FABP6: variants seen among roughly 807,000 people sequenced by gnomAD.
FABP6 encodes the protein fatty acid binding protein 6.
In FABP6, 13 loss-of-function variants were observed where a neutral mutation model predicts 14.9. The ratio of observed to expected loss-of-function variants is 0.87; its 90% confidence interval spans 0.57 to 1.39. The LOEUF (loss-of-function observed/expected upper bound fraction) is 1.39, where lower values mean the gene tolerates loss of function less well. FABP6 is among the 40% of genes most tolerant of loss of function. FABP6 has a pLI of 0.00. For missense variants in FABP6, 161 were observed against 167.2 expected (o/e 0.96, Z 0.20); for synonymous variants, 75 against 63.6 (o/e 1.18, Z -0.85).
At chr5:160,236,921 G>A (rs1760529572) in intron 3 of FABP6, among the ~76,000 whole-genome samples, 1 of 151,960 alleles carries the variant, frequency 6.6e-6, no homozygotes, top group Non-Finnish European at 1.5e-5. Context: ...GGCAGAGGTT[G>A]CAGTGAGCAA....
chr5:160,203,703 CT>C (rs11313636), intron 2 of FABP6, among the ~76,000 whole-genome samples: 39,878 of 142,374 alleles, frequency 0.28, 5,260 homozygotes, highest in East Asian at 0.42. Context: ...TATTATATTT[CT>C]TTTTTTTTTT....
chr5:160,237,429 G>A (rs949665437), intron 3 of FABP6, among the ~76,000 whole-genome samples: 1 of 151,988 alleles, frequency 6.6e-6, no homozygotes, highest in African/African-American at 2.4e-5. Flanking sequence ...GCATGACTAG[G>A]CCCCGAGAGG....
chr5:160,226,709 A>G (rs1472798912), upstream of FABP6, among the ~76,000 whole-genome samples: 1 of 152,122 alleles, frequency 6.6e-6, no homozygotes, highest in Non-Finnish European at 1.5e-5. Flanking sequence ...CATTCATGTA[A>G]AACACTCAGC....
Position 160,214,478 on chromosome 5 carries a change from G to A in FABP6, c.135+659G>A, listed in dbSNP as rs564737484. On this transcript the variant is annotated intron_variant, in intron 3 of 6. Transcript: ENST00000393980. Reference sequence around the variant, plus strand: ...CCACACCTGGCCTCAAGTGGATTTCGTTTTCTTTTTAATTTTGTAGAGACG... The same window carrying A: ...CCACACCTGGCCTCAAGTGGATTTCATTTTCTTTTTAATTTTGTAGAGACG... Among the ~76,000 whole-genome samples the A allele has an allele frequency of 1.1e-4, 17 of 150,852 alleles. No individual in the cohort carries two copies. In the East Asian group the frequency reaches 1.8e-3, roughly 16 times the overall value.
intron 1 of FABP6, among the ~76,000 whole-genome samples, chr5:160,191,235 G>T (rs1759386994): frequency 6.6e-6 from 1 of 152,106 alleles, no homozygotes; most frequent in African/African-American, 2.4e-5. Context: ...AGAGGCCAAG[G>T]TGGGTGGATC....
chr5:160,196,091 A>G (rs1759503310), intron 1 of FABP6: 1 of 152,390 alleles, frequency 6.6e-6, no homozygotes, highest in Non-Finnish European at 1.5e-5. Flanking sequence ...ATGCCGAGAG[A>G]GCAGGCAGTG....
intron 1 of FABP6, chr5:160,198,701 AC>A (rs1427359604): frequency 5.4e-6 from 1 of 184,632 alleles, no homozygotes; most frequent in African/African-American, 2.4e-5. Context: ...CTTTTTACCA[AC>A]TGAGGCGTTA....
upstream of FABP6, among the ~76,000 whole-genome samples, chr5:160,227,842 GTGTGTGTGTCTGTC>G (rs1760284147): frequency 6.7e-6 from 1 of 149,098 alleles, no homozygotes; most frequent in African/African-American, 2.5e-5. Flanking sequence ...GTGTGTGTGT[GTGTGTGTGTCTGTC>G]TGTCTGTCTG....
chr5:160,235,773 TTCTCTCTC>T (rs141776542), intron 3 of FABP6, among the ~76,000 whole-genome samples: 2 of 150,234 alleles, frequency 1.3e-5, no homozygotes, highest in Non-Finnish European at 3.0e-5. Flanking sequence ...TCTTTGATCC[TTCTCTCTC>T]TCTCTCTCTC....
chr5:160,200,658 C>A lies in FABP6; in HGVS notation c.51+1501C>A, dbSNP rs548578811. Among the ~76,000 whole-genome samples the A allele has an allele frequency of 8.3e-4, 126 of 152,284 alleles. 1 individual carries two copies. Among genetic ancestry groups the A allele is most frequent in the African/African-American group, 3.0e-3 (124 of 41,558 alleles). ...TGAACTCCTGACCTCAGGTGATCCACCCGCCTTGGCCTCCCAAAGTGCTGG... is the reference window on the plus strand; with the variant it reads ...TGAACTCCTGACCTCAGGTGATCCAACCGCCTTGGCCTCCCAAAGTGCTGG... On this transcript the variant is annotated intron_variant, in intron 2 of 6. Coordinates refer to the FABP6 transcript ENST00000393980.
chr5:160,209,664 A>G (rs553320407), intron 2 of FABP6, among the ~76,000 whole-genome samples: 2 of 152,204 alleles, frequency 1.3e-5, no homozygotes, highest in South Asian at 4.2e-4. Context: ...TAGACCTTGG[A>G]CTTCCCAGTC....
chr5:160,196,156 T>TGCCAAAGCATCAA, intron 1 of FABP6, among the ~76,000 whole-genome samples: 1 of 152,326 alleles, frequency 6.6e-6, no homozygotes, highest in East Asian at 1.9e-4. Context: ...AGCACCAAGA[T>TGCCAAAGCATCAA]GCCAGGTGGC....
At chr5:160,221,074 G>A (rs1395582906) in intron 3 of FABP6, among the ~76,000 whole-genome samples, 1 of 140,890 alleles carries the variant, frequency 7.1e-6, no homozygotes, top group Non-Finnish European at 1.5e-5. Context: ...GGGTGACAGA[G>A]TGAGACTTTC....
chr5:160,213,703 T>C (rs758086607), intron 2 of FABP6: 2 of 1,598,096 alleles, frequency 1.3e-6, no homozygotes, highest in Non-Finnish European at 1.7e-6. Flanking sequence ...TGACTCAGGA[T>C]AGGCCAATCA....
chr5:160,216,286 G>A (rs996984081), intron 3 of FABP6, among the ~76,000 whole-genome samples: 1 of 105,270 alleles, frequency 9.5e-6, no homozygotes, highest in African/African-American at 3.4e-5. Flanking sequence ...TTTTTTTTTT[G>A]AGACCAAGTC....
rs748478891 is a variant in FABP6, at chr5:160,229,581, G to T, written c.24G>T (p.Glu8Asp). MAFTGKF[E>D]MESEKNYDEF... ...GCATGGCTTTCACCGGCAAGTTCGA[G>T]ATGGAGAGTGAGAAGAATTATGATG... The change falls in exon 1 of 4, where the codon GAG (glutamate) becomes GAT (aspartate). Residue 8 changes from glutamate to aspartate, a missense_variant. Physicochemically the swap from Glu to Asp is conservative, Grantham distance 45. Transcript: ENST00000402432. 1 of 1,614,020 alleles carries T rather than the reference G, an allele frequency of 6.2e-7. No individual in the cohort carries two copies. The highest frequency in any genetic ancestry group is 1.7e-5 in the Admixed American group (1 of 60,014).
chr5:160,197,831 C>T (rs1390226782), intron 1 of FABP6: 1 of 152,096 alleles, frequency 6.6e-6, no homozygotes, highest in Non-Finnish European at 1.5e-5. Flanking sequence ...AGTCAGCCTC[C>T]CCCTGCTCCG....
intron 2 of FABP6, among the ~76,000 whole-genome samples, chr5:160,210,450 T>C (rs528749984): frequency 1.8e-4 from 27 of 152,322 alleles, no homozygotes; most frequent in African/African-American, 6.0e-4. Flanking sequence ...TCTATCCCTA[T>C]GGTGGAAATT....
chr5:160,232,242 A>G lies in FABP6; in HGVS notation c.212A>G (p.Asn71Ser). ...TNKFTVGKESNIQTMGGKTFK... is the reference protein window; with the variant it reads ...TNKFTVGKESSIQTMGGKTFK... Reference sequence around the variant, plus strand: ...AAGTTCACTGTTGGCAAGGAAAGCAACATACAGACAATGGGGGGCAAGACG... The same window carrying G: ...AAGTTCACTGTTGGCAAGGAAAGCAGCATACAGACAATGGGGGGCAAGACG... Residue 71 changes from asparagine (N) to serine (S), a missense_variant, in exon 2 of 4, where the codon AAC (asparagine) becomes AGC (serine). Asn to Ser is a conservative substitution (Grantham distance 46). Transcript: ENST00000402432. 6.2e-7 allele frequency: 1 copy of G among 1,611,844 alleles called. No individual in the cohort carries two copies. The highest frequency in any genetic ancestry group is 8.5e-7 in the Non-Finnish European group (1 of 1,178,988).
Sources: gnomAD v4.1 joint callset for allele counts (sites outside exome capture counted in the v4.1 genomes callset) on GRCh38, gnomAD v4.1.1 for gene constraint, MANE v1.5 for transcripts, NCBI Gene and HGNC (gene_info 2026-07-23, HGNC 2026-07-21) for gene names.